Variants in NKAIN2 observed in about 807,000 individuals in gnomAD.
NKAIN2 encodes sodium/potassium transporting ATPase interacting 2.
NKAIN2 carries 14 observed loss-of-function variants against 32.6 expected under a neutral mutation model. The observed-to-expected ratio is 0.43, with a 90% CI of 0.28 to 0.67. The LOEUF is 0.67. Among genes scored for constraint, NKAIN2 ranks in the 30% least tolerant of loss-of-function variants. The pLI is 0.17. For missense variants in NKAIN2, 198 were observed against 258.3 expected, an observed-to-expected ratio of 0.77 and a Z score of 1.60; for synonymous variants, 80 against 87.2, an observed-to-expected ratio of 0.92 and a Z score of 0.46.
At chr6:123,942,435 A>C (rs915736599) in intron 1 of NKAIN2, among the ~76,000 whole-genome samples, 1 of 152,028 alleles carries the variant, frequency 6.6e-6, no homozygotes, top group African/African-American at 2.4e-5. Context: ...TTGTCCCTGG[A>C]GTAAAGTTCT....
chr6:124,648,394 G>T (rs890556519), intron 3 of NKAIN2, among the ~76,000 whole-genome samples: 2 of 152,126 alleles, frequency 1.3e-5, no homozygotes, highest in African/African-American at 4.8e-5. Context: ...AAAATAGGGA[G>T]AAAAAATTGA....
intron 1 of NKAIN2, among the ~76,000 whole-genome samples, chr6:123,980,212 G>A: frequency 6.6e-6 from 1 of 152,124 alleles, no homozygotes; most frequent in East Asian, 1.9e-4. Flanking sequence ...TATTAGTGTA[G>A]TAACACTTCC....
At chr6:123,821,063 T>C (rs1336081384) in intron 1 of NKAIN2, among the ~76,000 whole-genome samples, 2 of 152,200 alleles carry the variant, frequency 1.3e-5, no homozygotes, top group African/African-American at 4.8e-5. Flanking sequence ...TGATCAGGAT[T>C]CATTTGGGCT....
intron 1 of NKAIN2, among the ~76,000 whole-genome samples, chr6:123,957,992 T>C (rs1285144125): frequency 6.6e-6 from 1 of 152,142 alleles, no homozygotes; most frequent in African/African-American, 2.4e-5. Context: ...AAAGATAATA[T>C]TACTAATTAC....
chr6:124,208,353 ATATTAAGCTG>A (rs1253100009), intron 1 of NKAIN2, among the ~76,000 whole-genome samples: 2 of 151,912 alleles, frequency 1.3e-5, no homozygotes, highest in African/African-American at 2.4e-5. Context: ...TGTTGTTCAC[ATATTAAGCTG>A]TATTATCAAA....
At chr6:124,025,456 A>C (rs1384776974) in intron 1 of NKAIN2, among the ~76,000 whole-genome samples, 1 of 93,936 alleles carries the variant, frequency 1.1e-5, no homozygotes, top group East Asian at 2.3e-4. Context: ...AATGAATGGA[A>C]AGGAAAAAAA....
chr6:124,564,760 T>G (rs1780839368), intron 3 of NKAIN2, among the ~76,000 whole-genome samples: 1 of 152,230 alleles, frequency 6.6e-6, no homozygotes, highest in South Asian at 2.1e-4. Context: ...GTTGATTAAA[T>G]TCCTATAAGC....
intron 1 of NKAIN2, among the ~76,000 whole-genome samples, chr6:124,204,163 G>T (rs939804823): frequency 2.6e-5 from 4 of 151,838 alleles, no homozygotes; most frequent in Non-Finnish European, 4.4e-5. Flanking sequence ...GTAGAAATCA[G>T]TTGCAGGTAC....
At chr6:123,814,473 T>C (rs776128155) in intron 1 of NKAIN2, among the ~76,000 whole-genome samples, 4 of 152,208 alleles carry the variant, frequency 2.6e-5, no homozygotes, top group Non-Finnish European at 4.4e-5. Context: ...ATTTAGTAAA[T>C]ATAAATCTTG....
chr6:124,159,227 A>T (rs551188678), intron 1 of NKAIN2, among the ~76,000 whole-genome samples: 130 of 152,222 alleles, frequency 8.5e-4, no homozygotes, highest in African/African-American at 3.1e-3. Context: ...TCAGAATTTT[A>T]TTTTTTAGTT....
chr6:124,497,908 TCATTC>T (rs1778128893), intron 3 of NKAIN2, among the ~76,000 whole-genome samples: 2 of 151,530 alleles, frequency 1.3e-5, no homozygotes, highest in Admixed American at 6.6e-5. Flanking sequence ...TCAAAGTGTT[TCATTC>T]TGTAGGGGCT....
intron 3 of NKAIN2, among the ~76,000 whole-genome samples, chr6:124,375,028 T>C (rs1393572818): frequency 1.3e-5 from 2 of 151,954 alleles, no homozygotes; most frequent in African/African-American, 4.8e-5. Flanking sequence ...TCCAAGCAGA[T>C]CCTTCTCTCA....
intron 2 of NKAIN2, among the ~76,000 whole-genome samples, chr6:124,315,405 T>TA (rs1194269347): frequency 7.9e-5 from 12 of 152,048 alleles, no homozygotes; most frequent in African/African-American, 1.2e-4. Context: ...GAATGCACTT[T>TA]AAAAAAAGAG....
chr6:124,644,905 G>T (rs1239766837), intron 3 of NKAIN2, among the ~76,000 whole-genome samples: 3 of 152,126 alleles, frequency 2.0e-5, no homozygotes, highest in East Asian at 1.9e-4. Flanking sequence ...TTTACAAGAA[G>T]AAATTTATAT....
intron 1 of NKAIN2, among the ~76,000 whole-genome samples, chr6:124,089,770 T>C (rs1286383463): frequency 6.6e-6 from 1 of 151,980 alleles, no homozygotes; most frequent in Non-Finnish European, 1.5e-5. Context: ...AGTGACTGAC[T>C]GTCAGGCACT....
At chr6:124,346,813 T>G (rs986679827) in intron 2 of NKAIN2, among the ~76,000 whole-genome samples, 1 of 152,050 alleles carries the variant, frequency 6.6e-6, no homozygotes, top group Non-Finnish European at 1.5e-5. Flanking sequence ...GCCTTTTAAT[T>G]GGAGCATTTA....
chr6:124,558,920 G>A (rs1432503399), intron 3 of NKAIN2, among the ~76,000 whole-genome samples: 5 of 151,918 alleles, frequency 3.3e-5, no homozygotes, highest in Admixed American at 2.0e-4. Context: ...TTGCGCTCCA[G>A]CTTGGGCAAC....
chr6:124,779,712 A>G (rs188991816), intron 4 of NKAIN2, among the ~76,000 whole-genome samples: 1 of 152,134 alleles, frequency 6.6e-6, no homozygotes, highest in African/African-American at 2.4e-5. Flanking sequence ...TGAGACCACA[A>G]ATATGGGGTC....
chr6:124,349,600 C>T (rs73573007), intron 2 of NKAIN2, among the ~76,000 whole-genome samples: 2,206 of 152,152 alleles, frequency 0.014, 65 homozygotes, highest in African/African-American at 0.051. Flanking sequence ...TCACTTGCAT[C>T]CAGCTGGTAT....
Sources: allele counts gnomAD v4.1 joint callset (sites outside exome capture counted in the v4.1 genomes callset), GRCh38; gene constraint gnomAD v4.1.1; transcripts MANE v1.5; gene names NCBI Gene and HGNC (gene_info 2026-07-23, HGNC 2026-07-21).